GSAP: variants seen among roughly 807,000 people sequenced by gnomAD.
The protein encoded by GSAP is gamma-secretase-activating protein.
GSAP carries 118 observed loss-of-function variants against 131.7 expected under a neutral mutation model. The ratio of observed to expected loss-of-function variants is 0.90; its 90% CI spans 0.77 to 1.04. The LOEUF is 1.04. GSAP is among the 50% of genes least tolerant of loss of function. The pLI, the probability that GSAP is intolerant of heterozygous loss-of-function variation, is 0.00. For synonymous variants in GSAP, 381 were observed against 363.4 expected, an observed-to-expected ratio of 1.05 and a Z score of -0.55; for missense variants, 1,019 against 1,013.2, an observed-to-expected ratio of 1.01 and a Z score of -0.08.
At chr7:77,377,237 T>TA (rs533755073) in intron 9 of GSAP, 49 bp downstream of exon 9, 236,940 of 884,482 alleles carry the variant, frequency 0.27, 8,950 homozygotes, top group African/African-American at 0.34. Context: ...AATATTTTTG[T>TA]AAAAAAAAAA....
chr7:77,340,532 C>A (rs1790753695), intron 19 of GSAP, among the ~76,000 whole-genome samples: 1 of 152,150 alleles, frequency 6.6e-6, no homozygotes, highest in African/African-American at 2.4e-5. Flanking sequence ...TCTTTTCACT[C>A]TCTTTTCCAG....
At chr7:77,379,962 G>C in intron 8 of GSAP, 3 of 860,986 alleles carry the variant, frequency 3.5e-6, no homozygotes, top group Non-Finnish European at 4.2e-6. Context: ...AAAATCTTCA[G>C]AGAAATGTTA....
chr7:77,413,597 G>A lies in GSAP; in HGVS notation c.109+2616C>T, dbSNP rs142927955. On this transcript the variant is annotated intron_variant, in intron 1 of 30. Coordinates refer to ENST00000257626, the MANE Select transcript of GSAP (RefSeq NM_017439.4). ...GGGTAAATCTCACAATATTGAGAAG[G>A]AAAATAAGCAAAAGGAATGCATACA... Among the ~76,000 whole-genome samples the A allele has an allele frequency of 1.8e-3, 273 of 152,256 alleles. 3 individuals are homozygous for A. The East Asian group carries it at 0.028, about 16-fold the overall frequency.
At position 77,355,569 on chromosome 7, in the gene GSAP, T is replaced by C. The variant is rs1363679152; in HGVS notation, c.1106A>G (p.Asn369Ser). 6 of 1,609,470 alleles carry C rather than the reference T, an allele frequency of 3.7e-6. No individual in the cohort carries two copies. In the African/African-American group the frequency reaches 4.0e-5, roughly 11 times the overall value. ...TATAGCCGTACCTGTCAGAAAGAGATTGTGGCAGATCAGGTCTGGATGTTG... is the reference window on the plus strand; with the variant it reads ...TATAGCCGTACCTGTCAGAAAGAGACTGTGGCAGATCAGGTCTGGATGTTG... ...NVQHPDLICH[N>S]LFLTGNNEMI... Residue 369 changes from asparagine to serine, a missense_variant, in exon 15 of 31, where the codon AAT (asparagine) becomes AGT (serine). By Grantham distance (46) the Asn-to-Ser change is conservative (BLOSUM62 1). Transcript: ENST00000257626.
chr7:77,349,057 C>T (rs1425607218), intron 19 of GSAP, among the ~76,000 whole-genome samples: 2 of 152,218 alleles, frequency 1.3e-5, no homozygotes, highest in Non-Finnish European at 2.9e-5. Flanking sequence ...TCCCCCAGTA[C>T]AGCCTGTTCT....
rs1041642481 is a variant in GSAP, at chr7:77,355,445, A to AC, written c.1121-16_1121-15insG. 2 of 1,577,358 alleles carry AC rather than the reference A, an allele frequency of 1.3e-6. No individual in the cohort carries two copies. Among genetic ancestry groups the AC allele is most frequent in the Non-Finnish European group, 1.7e-6 (2 of 1,158,510 alleles). On this transcript the variant is annotated splice_polypyrimidine_tract_variant and intron_variant, in intron 15 of 30. Transcript: ENST00000257626. ...TTCATTATTTCCTGGCAAAAAAAAA[A>AC]AAAACAGTAGATCAGCAAATAGAAG...
intron 19 of GSAP, chr7:77,330,571 C>CT: frequency 4.3e-6 from 4 of 934,254 alleles, no homozygotes; most frequent in Non-Finnish European, 3.9e-6. Flanking sequence ...CATTTTCTGT[C>CT]TCTTTTTTTT....
At chr7:77,336,794 A>G (rs1448830202) in intron 19 of GSAP, among the ~76,000 whole-genome samples, 1 of 152,058 alleles carries the variant, frequency 6.6e-6, no homozygotes, top group Non-Finnish European at 1.5e-5. Flanking sequence ...AGCCAGTATC[A>G]TCTTATTTTT....
intron 5 of GSAP, among the ~76,000 whole-genome samples, chr7:77,391,480 C>T (rs1003287630): frequency 6.6e-6 from 1 of 152,164 alleles, no homozygotes; most frequent in Admixed American, 6.5e-5. Context: ...CTGGTATTTA[C>T]TTCACAGCAA....
At position 77,311,270 on chromosome 7, in the gene GSAP, T is replaced by G. The variant is rs1794311380; in HGVS notation, c.*88A>C. On this transcript the variant is annotated 3_prime_UTR_variant, in exon 31 of 31. Coordinates refer to ENST00000257626, the MANE Select transcript of GSAP (RefSeq NM_017439.4). ...ATGGCTAAACTATTTTTGTTACCAATTTTAAATATTGTTAAAGAATTCTCA... is the reference window on the plus strand; with the variant it reads ...ATGGCTAAACTATTTTTGTTACCAAGTTTAAATATTGTTAAAGAATTCTCA... 2.4e-6 allele frequency: 2 copies of G among 840,206 alleles called. No individual in the cohort carries two copies. The highest frequency in any genetic ancestry group is 2.0e-6 in the Non-Finnish European group (1 of 498,236). The allele number at this position is 840,206 out of a possible 1,614,324, so 52.0% of individuals were successfully genotyped here. A position where few individuals can be genotyped will look rare whatever the true frequency, so the allele number is the denominator to read the frequency against.
At chr7:77,353,444 G>GTTTT in intron 17 of GSAP, 128 bp downstream of exon 17, 6 of 516,976 alleles carry the variant, frequency 1.2e-5, no homozygotes, top group South Asian at 2.5e-5. Context: ...ATAGAGTTTT[G>GTTTT]TTTTTTTTTT....
intron 26 of GSAP, 175 bp from the exon 27 acceptor site, chr7:77,314,664 A>G: frequency 3.3e-6 from 2 of 598,212 alleles, no homozygotes; most frequent in South Asian, 2.0e-5. Flanking sequence ...GTAACTAAAT[A>G]TCACGCTGGG....
At chr7:77,348,041 T>C (rs543136978) in intron 19 of GSAP, among the ~76,000 whole-genome samples, 18 of 151,316 alleles carry the variant, frequency 1.2e-4, no homozygotes, top group African/African-American at 4.4e-4. Context: ...TGGTGGCTCA[T>C]GACTGTAGTA....
Position 77,312,137 on chromosome 7 carries a change from G to T in GSAP, c.2337C>A (p.Asn779Lys), listed in dbSNP as rs1433145308. Residue 779 changes from asparagine to lysine, a missense_variant, in exon 29 of 31, where the codon AAC becomes AAA. Asn to Lys is a moderately conservative substitution (Grantham distance 94). Coordinates refer to ENST00000257626, the MANE Select transcript of GSAP (RefSeq NM_017439.4). ...AGTTCTGAAGCAGTCGCGTCACGTGGTTCCGCGAAATGATGTTAGAACTCA... is the reference window on the plus strand; with the variant it reads ...AGTTCTGAAGCAGTCGCGTCACGTGTTTCCGCGAAATGATGTTAGAACTCA... ...HPMSSNIISR[N>K]HVTRLLQNYK... 1.2e-6 allele frequency: 2 copies of T among 1,604,060 alleles called. No individual in the cohort carries two copies. Among genetic ancestry groups the T allele is most frequent in the African/African-American group, 2.7e-5 (2 of 74,280 alleles).
intron 19 of GSAP, among the ~76,000 whole-genome samples, chr7:77,332,095 C>A (rs1237894428): frequency 1.3e-5 from 2 of 152,044 alleles, no homozygotes; most frequent in East Asian, 1.9e-4. Context: ...CCATAAGAGT[C>A]CCACCCACGC....
chr7:77,386,723 C>A (rs1173780209), intron 6 of GSAP, among the ~76,000 whole-genome samples: 1 of 152,164 alleles, frequency 6.6e-6, no homozygotes, highest in South Asian at 2.1e-4. Flanking sequence ...AAAGATGGAA[C>A]TAGGCCATGA....
chr7:77,312,531 C>T (rs936120330), intron 28 of GSAP, among the ~76,000 whole-genome samples: 3 of 152,236 alleles, frequency 2.0e-5, no homozygotes, highest in East Asian at 1.9e-4. Context: ...AAGGGGGGTA[C>T]GCATGTTTAT....
intron 6 of GSAP, among the ~76,000 whole-genome samples, chr7:77,384,276 G>C (rs1181969541): frequency 1.3e-5 from 2 of 152,172 alleles, no homozygotes; most frequent in Admixed American, 1.3e-4. Context: ...GTGCTGAAGA[G>C]GTGTAACTGC....
chr7:77,397,962 T>C (rs1227293949), intron 3 of GSAP, among the ~76,000 whole-genome samples: 1 of 152,200 alleles, frequency 6.6e-6, no homozygotes, highest in Non-Finnish European at 1.5e-5. Context: ...TTTAGAGGAC[T>C]GGGAAGGTAG....
Sources: gnomAD v4.1 joint callset for allele counts (sites outside exome capture counted in the v4.1 genomes callset) on GRCh38, gnomAD v4.1.1 for gene constraint, MANE v1.5 for transcripts, NCBI Gene and HGNC (gene_info 2026-07-23, HGNC 2026-07-21) for gene names.